CUX2: variants seen among roughly 807,000 people sequenced by gnomAD.
The protein encoded by CUX2 is homeobox protein cut-like 2.
Under a neutral mutation model 144.8 loss-of-function variants are expected in CUX2, and 40 were observed. That is an observed-to-expected ratio of 0.28 (90% CI 0.21 to 0.36). CUX2 has a LOEUF of 0.36. Among genes scored for constraint, CUX2 ranks in the 10% least tolerant of loss-of-function variants. The pLI, the probability that CUX2 is intolerant of heterozygous loss-of-function variation, is 1.00. For synonymous variants in CUX2, 827 were observed against 875.6 expected (o/e 0.94, Z 0.98); for missense variants, 1,615 against 1,994.0 (o/e 0.81, Z 3.62).
chr12:111,251,811 G>T (rs867418744), intron 3 of CUX2, among the ~76,000 whole-genome samples: 5 of 152,200 alleles, frequency 3.3e-5, no homozygotes, highest in Non-Finnish European at 7.4e-5. Flanking sequence ...TAAAATCCCA[G>T]CGGTGGTCCA....
At chr12:111,127,297 C>A (rs1463392687) in intron 1 of CUX2, among the ~76,000 whole-genome samples, 1 of 152,254 alleles carries the variant, frequency 6.6e-6, no homozygotes, top group Non-Finnish European at 1.5e-5. Flanking sequence ...AGTGACCCAA[C>A]TTTCATTCCT....
chr12:111,210,626 C>G (rs898042589), intron 1 of CUX2, among the ~76,000 whole-genome samples: 1 of 151,968 alleles, frequency 6.6e-6, no homozygotes, highest in Non-Finnish European at 1.5e-5. Context: ...AACCCTGTCT[C>G]TACCCCAAAA....
At chr12:111,224,893 C>T (rs1353011815) in intron 3 of CUX2, among the ~76,000 whole-genome samples, 1 of 152,068 alleles carries the variant, frequency 6.6e-6, no homozygotes, top group Non-Finnish European at 1.5e-5. Flanking sequence ...GTTTCACTTT[C>T]CTCTGCTTTT....
At chr12:111,169,297 G>A (rs756175298) in intron 1 of CUX2, among the ~76,000 whole-genome samples, 7 of 152,148 alleles carry the variant, frequency 4.6e-5, no homozygotes, top group Non-Finnish European at 7.3e-5. Flanking sequence ...CTCCCCTGGA[G>A]CCTGCAGAGT....
At chr12:111,206,914 A>AATGG (rs1163170658) in intron 1 of CUX2, among the ~76,000 whole-genome samples, 11 of 152,226 alleles carry the variant, frequency 7.2e-5, no homozygotes, top group African/African-American at 2.4e-4. Flanking sequence ...ACTGGATGAA[A>AATGG]ATGGATGGTT....
At chr12:111,052,667 A>G (rs955961549) in intron 1 of CUX2, among the ~76,000 whole-genome samples, 3 of 151,854 alleles carry the variant, frequency 2.0e-5, no homozygotes, top group African/African-American at 7.3e-5. Flanking sequence ...GTGCCTGTGT[A>G]TCTGCATCCA....
At chr12:111,269,222 C>A (rs1343768334) in intron 4 of CUX2, among the ~76,000 whole-genome samples, 2 of 152,156 alleles carry the variant, frequency 1.3e-5, no homozygotes, top group Non-Finnish European at 2.9e-5. Context: ...ATGCACCAGG[C>A]CTCGGACTAA....
At chr12:111,272,731 T>C (rs1450362678) in intron 4 of CUX2, among the ~76,000 whole-genome samples, 1 of 152,174 alleles carries the variant, frequency 6.6e-6, no homozygotes, top group Non-Finnish European at 1.5e-5. Flanking sequence ...CCCAAAGTGT[T>C]GGGATTACAG....
intron 1 of CUX2, among the ~76,000 whole-genome samples, chr12:111,111,131 A>T (rs924248130): frequency 6.6e-6 from 1 of 152,118 alleles, no homozygotes; most frequent in Non-Finnish European, 1.5e-5. Flanking sequence ...GTGAAACCCC[A>T]TCTCTACTAA....
At chr12:111,210,552 G>T (rs1881161099) in intron 1 of CUX2, among the ~76,000 whole-genome samples, 1 of 152,138 alleles carries the variant, frequency 6.6e-6, no homozygotes, top group African/African-American at 2.4e-5. Flanking sequence ...CCAACACTTT[G>T]GGAGGCCACA....
At chr12:111,223,581 A>G (rs1881968422) in intron 3 of CUX2, among the ~76,000 whole-genome samples, 1 of 152,138 alleles carries the variant, frequency 6.6e-6, no homozygotes, top group Non-Finnish European at 1.5e-5. Flanking sequence ...CATCTCTCCA[A>G]ACCCATCCTT....
intron 1 of CUX2, among the ~76,000 whole-genome samples, chr12:111,181,093 C>A (rs1182901489): frequency 5.3e-5 from 8 of 152,244 alleles, no homozygotes; most frequent in African/African-American, 1.9e-4. Flanking sequence ...CTTAAATTAC[C>A]TGATTGAAAT....
chr12:111,120,375 A>T (rs1874573137), intron 1 of CUX2, among the ~76,000 whole-genome samples: 1 of 152,102 alleles, frequency 6.6e-6, no homozygotes, highest in South Asian at 2.1e-4. Context: ...ATTACTTAGA[A>T]CTATATTGTG....
chr12:111,319,411 T>C (rs1241441600), intron 16 of CUX2, among the ~76,000 whole-genome samples: 1 of 152,190 alleles, frequency 6.6e-6, no homozygotes, highest in Non-Finnish European at 1.5e-5. Flanking sequence ...TCTTTGTCTT[T>C]GAACATTTAC....
chr12:111,175,345 T>G (rs1310029257), intron 1 of CUX2, among the ~76,000 whole-genome samples: 1 of 123,884 alleles, frequency 8.1e-6, no homozygotes, highest in African/African-American at 4.0e-5. Flanking sequence ...CCACACCTTT[T>G]TTTTTTTTTT....
At chr12:111,058,967 A>G (rs1159057107) in intron 1 of CUX2, among the ~76,000 whole-genome samples, 1 of 152,210 alleles carries the variant, frequency 6.6e-6, no homozygotes, top group Non-Finnish European at 1.5e-5. Context: ...AATAATCAAT[A>G]TTGTTATCTT....
chr12:111,162,582 G>A (rs1877848278), intron 1 of CUX2, among the ~76,000 whole-genome samples: 1 of 152,230 alleles, frequency 6.6e-6, no homozygotes, highest in South Asian at 2.1e-4. Context: ...GGACAGTGCT[G>A]AACAGCTCAC....
chr12:111,151,928 T>A (rs1473088450), intron 1 of CUX2, among the ~76,000 whole-genome samples: 2 of 152,136 alleles, frequency 1.3e-5, no homozygotes, highest in African/African-American at 4.8e-5. Flanking sequence ...CCCAGGAGAT[T>A]GGCCTGGATC....
chr12:111,326,967 G>A (rs562598415), intron 18 of CUX2, among the ~76,000 whole-genome samples: 1 of 152,236 alleles, frequency 6.6e-6, no homozygotes, highest in East Asian at 1.9e-4. Context: ...CATTTTTGAA[G>A]TATACAATTC....
Sources: gnomAD v4.1 joint callset for allele counts (sites outside exome capture counted in the v4.1 genomes callset) on GRCh38, gnomAD v4.1.1 for gene constraint, MANE v1.5 for transcripts, NCBI Gene and HGNC (gene_info 2026-07-23, HGNC 2026-07-21) for gene names.